The following ZSWIM6 variants were observed in gnomAD, a reference collection of about 807,000 sequenced individuals.
The protein encoded by ZSWIM6 is zinc finger SWIM domain-containing protein 6.
Under a neutral mutation model 113.2 loss-of-function variants are expected in ZSWIM6, and 9 were observed. That is an observed-to-expected ratio of 0.08 (90% CI 0.05 to 0.14). The LOEUF is 0.14. Among genes scored for constraint, ZSWIM6 ranks in the 10% least tolerant of loss-of-function variants. The probability of loss-of-function intolerance (pLI) is 1.00; values close to 1 mark genes in which losing one functional copy is unlikely to be tolerated. For synonymous variants in ZSWIM6, 611 were observed against 606.5 expected (o/e 1.01, Z -0.11); for missense variants, 1,162 against 1,552.2 (o/e 0.75, Z 4.22).
chr5:61,419,214 C>G (rs1464221503), intron 1 of ZSWIM6, among the ~76,000 whole-genome samples: 1 of 152,186 alleles, frequency 6.6e-6, no homozygotes, highest in Non-Finnish European at 1.5e-5. Context: ...AAGTTATTTG[C>G]CCTTTGTATT....
At chr5:61,371,288 A>T (rs1745256492) in intron 1 of ZSWIM6, among the ~76,000 whole-genome samples, 1 of 152,126 alleles carries the variant, frequency 6.6e-6, no homozygotes, top group Admixed American at 6.5e-5. Context: ...TGATGACTTT[A>T]TCAACTATCT....
At chr5:61,336,134 C>G (rs1033464828) in intron 1 of ZSWIM6, among the ~76,000 whole-genome samples, 1 of 152,018 alleles carries the variant, frequency 6.6e-6, no homozygotes, top group Admixed American at 6.6e-5. Context: ...CATGGTGGTA[C>G]GCATCTGTGG....
intron 1 of ZSWIM6, among the ~76,000 whole-genome samples, chr5:61,346,953 A>G (rs1215767851): frequency 1.3e-5 from 2 of 152,272 alleles, no homozygotes; most frequent in Non-Finnish European, 2.9e-5. Context: ...TTTTTAAAAA[A>G]GTACAGATTC....
In ZSWIM6 at chr5:61,516,359, A is replaced by C. The variant is rs1276427827; in HGVS notation, c.1334-4904A>C. 2.0e-5 allele frequency among the ~76,000 whole-genome samples: 3 copies of C among 149,128 alleles called. No homozygotes were observed. The East Asian group carries it at 5.8e-4, about 29-fold the overall frequency. On this transcript the variant is annotated intron_variant, in intron 4 of 13. Coordinates refer to ENST00000252744, the MANE Select transcript of ZSWIM6 (RefSeq NM_020928.2). Reference sequence around the variant, plus strand: ...ATATTTTTGGTGGTATCAGCATTGTAGTAAACAGACCTAAGCTTTCACAGT... The same window carrying C: ...ATATTTTTGGTGGTATCAGCATTGTCGTAAACAGACCTAAGCTTTCACAGT...
intron 4 of ZSWIM6, among the ~76,000 whole-genome samples, chr5:61,503,223 T>G (rs1175977117): frequency 6.6e-6 from 1 of 152,040 alleles, no homozygotes; most frequent in African/African-American, 2.4e-5. Flanking sequence ...CTTCAGGGAG[T>G]TAATAACTGG....
intron 1 of ZSWIM6, among the ~76,000 whole-genome samples, chr5:61,409,238 G>A (rs1746108075): frequency 1.3e-5 from 2 of 152,036 alleles, no homozygotes; most frequent in African/African-American, 4.8e-5. Flanking sequence ...GGGGGCCACA[G>A]TAAAAACTTT....
At chr5:61,440,560 C>T (rs1213584291) in intron 1 of ZSWIM6, among the ~76,000 whole-genome samples, 1 of 152,112 alleles carries the variant, frequency 6.6e-6, no homozygotes, top group African/African-American at 2.4e-5. Flanking sequence ...ATTTAACTTA[C>T]TTCTTGGCCT....
chr5:61,410,484 AT>A (rs1329524797), intron 1 of ZSWIM6, among the ~76,000 whole-genome samples: 3 of 150,952 alleles, frequency 2.0e-5, no homozygotes, highest in African/African-American at 7.3e-5. Context: ...TAATTTTTGT[AT>A]TTTTAGTAGA....
chr5:61,464,070 C>T (rs761916276), intron 1 of ZSWIM6, among the ~76,000 whole-genome samples: 25 of 151,166 alleles, frequency 1.7e-4, no homozygotes, highest in Admixed American at 4.0e-4. Flanking sequence ...TAGCTCACTG[C>T]AGCCTCTGCC....
chr5:61,384,189 C>T (rs1016576914), intron 1 of ZSWIM6, among the ~76,000 whole-genome samples: 7 of 145,680 alleles, frequency 4.8e-5, no homozygotes, highest in Admixed American at 7.1e-5. Context: ...TGCAGTGAGC[C>T]GAGATTGCGC....
intron 1 of ZSWIM6, chr5:61,375,432 T>C: frequency 6.6e-7 from 1 of 1,517,838 alleles, no homozygotes; most frequent in Admixed American, 1.9e-5. Context: ...ATTCATCTTC[T>C]TCTTCATCAA....
rs1269711297 is a variant in ZSWIM6, at chr5:61,544,836, G to T, written c.*519G>T. On this transcript the variant is annotated 3_prime_UTR_variant, in exon 14 of 14. Coordinates refer to ENST00000252744, the MANE Select transcript of ZSWIM6 (RefSeq NM_020928.2). ...TAAAAAGGCTGACCCATGTGGCTTT[G>T]CAGTGCTGTTCGTCCAGAAGCATGG... The T allele has an allele frequency of 6.6e-6, 1 of 152,136 alleles. No homozygotes were observed. Among genetic ancestry groups the T allele is most frequent in the Admixed American group, 6.5e-5 (1 of 15,268 alleles). 9.4% of individuals were successfully genotyped at this position (152,136 alleles called of 1,614,324 possible).
At chr5:61,375,340 A>G (rs1168455257) in intron 1 of ZSWIM6, 26 of 1,605,260 alleles carry the variant, frequency 1.6e-5, no homozygotes, top group Non-Finnish European at 2.1e-5. Flanking sequence ...GGAAAAACAC[A>G]GAGAGAAATT....
intron 4 of ZSWIM6, among the ~76,000 whole-genome samples, chr5:61,505,613 T>A (rs1367167877): frequency 2.8e-4 from 14 of 50,396 alleles, no homozygotes; most frequent in Non-Finnish European, 5.0e-4. Context: ...CTTCCTTCCT[T>A]CCTTCCTTCC....
At chr5:61,436,987 G>C (rs1018160186) in intron 1 of ZSWIM6, among the ~76,000 whole-genome samples, 1 of 152,094 alleles carries the variant, frequency 6.6e-6, no homozygotes, top group African/African-American at 2.4e-5. Context: ...GCCATTCTTC[G>C]ATCTTGCCCT....
At chr5:61,486,617 CT>C (rs1318487367) in intron 2 of ZSWIM6, among the ~76,000 whole-genome samples, 3 of 152,026 alleles carry the variant, frequency 2.0e-5, no homozygotes, top group Admixed American at 6.6e-5. Context: ...TATTTTTTGT[CT>C]TTTTAATAAT....
At chr5:61,479,991 T>C (rs952710394) in intron 2 of ZSWIM6, among the ~76,000 whole-genome samples, 1 of 152,184 alleles carries the variant, frequency 6.6e-6, no homozygotes, top group Non-Finnish European at 1.5e-5. Flanking sequence ...TGATCTCTTT[T>C]AATAAATCTG....
intron 1 of ZSWIM6, among the ~76,000 whole-genome samples, chr5:61,387,263 G>A (rs921668164): frequency 2.0e-5 from 3 of 152,212 alleles, no homozygotes; most frequent in Non-Finnish European, 4.4e-5. Flanking sequence ...AACTAGGGTT[G>A]TGTCCATTCC....
chr5:61,374,133 C>A (rs1745321096), intron 1 of ZSWIM6, among the ~76,000 whole-genome samples: 1 of 151,952 alleles, frequency 6.6e-6, no homozygotes, highest in East Asian at 1.9e-4. Context: ...TTGGAATGTC[C>A]TTTGAATGGA....
Sources: allele counts gnomAD v4.1 joint callset (sites outside exome capture counted in the v4.1 genomes callset), GRCh38; gene constraint gnomAD v4.1.1; transcripts MANE v1.5; gene names NCBI Gene and HGNC (gene_info 2026-07-23, HGNC 2026-07-21).